PCDH8: variants seen among roughly 807,000 people sequenced by gnomAD.
PCDH8 encodes the protein protocadherin-8.
PCDH8 carries 36 observed loss-of-function variants against 58.2 expected under a neutral mutation model. The ratio of observed to expected loss-of-function variants is 0.62; its 90% confidence interval spans 0.47 to 0.82. The LOEUF is 0.82. Ranked by LOEUF, PCDH8 falls within the 40% of genes least tolerant of loss-of-function variation. PCDH8 has a pLI of 0.00. For missense variants in PCDH8, 1,493 were observed against 1,567.8 expected (o/e 0.95, Z 0.81); for synonymous variants, 775 against 728.9 (o/e 1.06, Z -1.02).
chr13:52,845,992 C>A lies in PCDH8; in HGVS notation c.2445G>T (p.Arg815Ser), dbSNP rs754447078. ...PEEAARGAGP[R>S]PNMFDVLTFP... ...AGGTGAGCACGTCGAACATGTTGGG[C>A]CTGGGCCCGGCTCCCCGGGCGGCCT... The change falls in exon 1 of 3, where the codon AGG (arginine) becomes AGT (serine). Residue 815 changes from arginine to serine, a missense_variant. Coordinates refer to ENST00000377942, the MANE Select transcript of PCDH8 (RefSeq NM_002590.4). 7 of 1,475,726 alleles carry A rather than the reference C, an allele frequency of 4.7e-6. No individual in the cohort carries two copies. In the African/African-American group the frequency reaches 1.0e-4, roughly 22 times the overall value. 91.4% of individuals were successfully genotyped at this position (1,475,726 alleles called of 1,614,324 possible). A position where few individuals can be genotyped will look rare whatever the true frequency, so the allele number is the denominator to read the frequency against.
In PCDH8 at chr13:52,844,603, C is replaced by T. The variant is rs1253187090; in HGVS notation, c.3170G>A (p.Gly1057Asp). The T allele has an allele frequency of 6.2e-7, 1 of 1,609,428 alleles. No homozygotes were observed. The stretch of plus-strand genomic sequence containing the variant: ...TCCCTTCTTCGGGGACAGGTACCTG[C>T]CAGGAGGGGACTGGTAGAGGGGTAC... ...IGVPLYQSPPGRYLSPKKGAN... is the reference protein window; with the variant it reads ...IGVPLYQSPPDRYLSPKKGAN... The change falls in exon 3 of 3, where the codon GGC (glycine) becomes GAC (aspartate). Residue 1057 changes from glycine (G) to aspartate (D), a missense_variant. Physicochemically the swap from Gly to Asp is moderately conservative, Grantham distance 94 (BLOSUM62 -1). Transcript: ENST00000377942.
chr13:52,847,170 C>G lies in PCDH8; in HGVS notation c.1267G>C (p.Ala423Pro), dbSNP rs1306552592. 3 of 1,491,112 alleles carry G rather than the reference C, an allele frequency of 2.0e-6. No individual in the cohort carries two copies. The Admixed American group carries it at 6.6e-5, about 33-fold the overall frequency. The allele number at this position is 1,491,112 out of a possible 1,614,324, so 92.4% of individuals were successfully genotyped here. Residue 423 changes from alanine (A) to proline (P), a missense_variant, in exon 1 of 3, where the codon GCC becomes CCC. This residue lies in a region of PCDH8 where 1,307 missense variants were observed against 1,362.7 expected (regional missense o/e 0.96). Transcript: ENST00000377942. ...AGGGCGCAGCGCACTTGCCCGTTGGCGCCCGAGTCCCTGTCCGAGGTGCTG... is the reference window on the plus strand; with the variant it reads ...AGGGCGCAGCGCACTTGCCCGTTGGGGCCCGAGTCCCTGTCCGAGGTGCTG... ...LVSTSDRDSG[A>P]NGQVRCALYG...
In PCDH8 at chr13:52,847,373, G is replaced by C. The variant is rs547262200; in HGVS notation, c.1064C>G (p.Ala355Gly). The change falls in exon 1 of 3, where the codon GCC becomes GGC. Residue 355 changes from alanine to glycine, a missense_variant. By Grantham distance (60) the Ala-to-Gly change is moderately conservative (BLOSUM62 0). Around this residue, in one of 3 missense-constraint regions of PCDH8, gnomAD observed 1,307 missense variants for 1,362.7 expected, o/e 0.96. Transcript: ENST00000377942. Reference protein sequence around the residue: ...RDVNDNAPDIAITPLAAPGAP... With the variant: ...RDVNDNAPDIGITPLAAPGAP... ...GCCTGGGGCGGCCAGCGGGGTGATG[G>C]CGATGTCGGGTGCGTTGTCATTGAC... is the stretch of plus-strand genomic sequence containing the variant. 32 of 1,519,754 alleles carry C rather than the reference G, an allele frequency of 2.1e-5. No individual in the cohort carries two copies. In the East Asian group the frequency reaches 7.3e-4, roughly 35 times the overall value. The allele number at this position is 1,519,754 out of a possible 1,614,324, so 94.1% of individuals were successfully genotyped here.
rs1373436783 is a variant in PCDH8 at position 52,846,555 on chromosome 13, C to T, written c.1882G>A (p.Ala628Thr). ...SLEVAVPGRT[A>T]KDTVVARVQA... ...ACACGGGCCACAACCGTGTCCTTTG[C>T]GGTGCGCCCAGGCACCGCCACTTCT... Residue 628 changes from alanine to threonine, a missense_variant, in exon 1 of 3, where the codon GCA becomes ACA. Around this residue, in one of 3 missense-constraint regions of PCDH8, gnomAD observed 1,307 missense variants for 1,362.7 expected, o/e 0.96. Transcript: ENST00000377942. 1 of 1,601,780 alleles carries T rather than the reference C, an allele frequency of 6.2e-7. No individual in the cohort carries two copies. The highest frequency in any genetic ancestry group is 1.1e-5 in the South Asian group (1 of 90,552).
In PCDH8 at chr13:52,845,740, A is replaced by G. The variant is rs527591959; in HGVS notation, c.2631+66T>C. On this transcript the variant is annotated intron_variant, in intron 1 of 2. Coordinates refer to ENST00000377942, the MANE Select transcript of PCDH8 (RefSeq NM_002590.4). Reference sequence around the variant, plus strand: ...CTGAATGCACCCACCCTACCCCTCCAGTCTCCCTTCCCCCAGCCTGTCCGC... The same window carrying G: ...CTGAATGCACCCACCCTACCCCTCCGGTCTCCCTTCCCCCAGCCTGTCCGC... 5,290 of 1,513,700 alleles carry G rather than the reference A, an allele frequency of 3.5e-3. 22 individuals are homozygous for G. Among genetic ancestry groups the G allele is most frequent in the South Asian group, 7.9e-3 (640 of 80,982 alleles). The allele number at this position is 1,513,700 out of a possible 1,614,324, so 93.8% of individuals were successfully genotyped here.
Position 52,845,897 on chromosome 13 carries a change from G to T in PCDH8, c.2540C>A (p.Ala847Asp). ...GCCGCCCTCTGAGCCCGGCACTTCGGCCGCGGCGACCGCAGGCGGAGGCGC... is the reference window on the plus strand; with the variant it reads ...GCCGCCCTCTGAGCCCGGCACTTCGTCCGCGGCGACCGCAGGCGGAGGCGC... ...ADAPPPAVAA[A>D]EVPGSEGGSA... is the part of the protein sequence containing the mutation. The change falls in exon 1 of 3, where the codon GCC (alanine) becomes GAC (aspartate). Residue 847 changes from alanine to aspartate, a missense_variant. By Grantham distance (126) the Ala-to-Asp change is moderately radical (BLOSUM62 -2). Coordinates refer to ENST00000377942, the MANE Select transcript of PCDH8 (RefSeq NM_002590.4). 1 of 1,481,100 alleles carries T rather than the reference G, an allele frequency of 6.8e-7. No homozygotes were observed. Among genetic ancestry groups the T allele is most frequent in the Non-Finnish European group, 8.9e-7 (1 of 1,127,534 alleles). 91.7% of individuals were successfully genotyped at this position (1,481,100 alleles called of 1,614,324 possible).
Position 52,847,336 on chromosome 13 carries a change from G to A in PCDH8, c.1101C>T (p.Thr367=). ...TPLAAPGAPA[T]SPFAAAAAAA... ...CGGCGGCGGCAGCGGCGAAGGGTGA[G>A]GTTGCCGGCGCGCCTGGGGCGGCCA... Residue 367 remains threonine (T), a synonymous_variant, in exon 1 of 3, where the codon ACC becomes ACT. Transcript: ENST00000377942. The A allele has an allele frequency of 1.4e-6, 2 of 1,454,310 alleles. No individual in the cohort carries two copies. Among genetic ancestry groups the A allele is most frequent in the South Asian group, 2.9e-5 (2 of 69,974 alleles). 90.1% of individuals were successfully genotyped at this position (1,454,310 alleles called of 1,614,324 possible). A position where few individuals can be genotyped will look rare whatever the true frequency, so the allele number is the denominator to read the frequency against.
At position 52,847,434 on chromosome 13, in the gene PCDH8, C is replaced by A. The variant is rs2138356461; in HGVS notation, c.1003G>T (p.Ala335Ser). ...CGCACGATGACCTTGCAGGTGGCAG[C>A]GCGGGGCCCGGGTCCGCGGTCCTGC... Reference protein sequence around the residue: ...RAQDRGPGPRAATCKVIVRIR... With the variant: ...RAQDRGPGPRSATCKVIVRIR... The change falls in exon 1 of 3, where the codon GCT becomes TCT. Residue 335 changes from alanine to serine, a missense_variant. Physicochemically the swap from Ala to Ser is moderately conservative, Grantham distance 99. This residue lies in a region of PCDH8 where 1,307 missense variants were observed against 1,362.7 expected (regional missense o/e 0.96). Coordinates refer to ENST00000377942, the MANE Select transcript of PCDH8 (RefSeq NM_002590.4). 1 of 1,586,268 alleles carries A rather than the reference C, an allele frequency of 6.3e-7. No individual in the cohort carries two copies. Among genetic ancestry groups the A allele is most frequent in the African/African-American group, 1.4e-5 (1 of 71,940 alleles).
rs576663048 is a variant in PCDH8, at chr13:52,847,081, C to T, written c.1356G>A (p.Ala452=). ...AYAGSYLVVT[A]ASLDRERIAE... is the part of the protein sequence containing the mutation. ...CGATGCGTTCGCGGTCCAGCGACGC[C>T]GCGGTCACCACCAGGTAGCTGCCCG... Residue 452 remains alanine (A), a synonymous_variant, in exon 1 of 3, where the codon GCG becomes GCA. Coordinates refer to ENST00000377942, the MANE Select transcript of PCDH8 (RefSeq NM_002590.4). The T allele has an allele frequency of 6.0e-5, 93 of 1,557,096 alleles. 1 individual carries two copies. In the South Asian group the frequency reaches 1.1e-3, roughly 18 times the overall value.
Position 52,847,640 on chromosome 13 carries a change from A to T in PCDH8, c.797T>A (p.Leu266His), listed in dbSNP as rs1965763776. The T allele has an allele frequency of 1.3e-6, 2 of 1,575,058 alleles. No individual in the cohort carries two copies. The highest frequency in any genetic ancestry group is 1.7e-6 in the Non-Finnish European group (2 of 1,169,592). Residue 266 changes from leucine (L) to histidine (H), a missense_variant, in exon 1 of 3, where the codon CTC becomes CAC. By Grantham distance (99) the Leu-to-His change is moderately conservative. Coordinates refer to ENST00000377942, the MANE Select transcript of PCDH8 (RefSeq NM_002590.4). ...GTCGGGGTCGGCTGCGTCCAGGTCG[A>T]GAAGCAGGGAGCCCACGGGCGCGTC... ...AEDAPVGSLL[L>H]DLDAADPDEG...
rs1271188976 is a variant in PCDH8, at chr13:52,846,704, C to A, written c.1733G>T (p.Arg578Leu). The A allele has an allele frequency of 6.3e-7, 1 of 1,598,006 alleles. No individual in the cohort carries two copies. Among genetic ancestry groups the A allele is most frequent in the Non-Finnish European group, 8.5e-7 (1 of 1,176,726 alleles). Residue 578 changes from arginine (R) to leucine (L), a missense_variant, in exon 1 of 3, where the codon CGC (arginine) becomes CTC (leucine). Transcript: ENST00000377942. The stretch of plus-strand genomic sequence containing the variant: ...GGAGCCGCCGTCGCTAGCTTGGATG[C>A]GAACGTCGAGTTGGCGCAGCGTCTC... ...DYETLRQLDVRIQASDGGSPQ... is the reference protein window; with the variant it reads ...DYETLRQLDVLIQASDGGSPQ...
chr13:52,846,222 C>A lies in PCDH8; in HGVS notation c.2215G>T (p.Val739Leu). ...TCCCATTGCAGCACCGACCCGGACA[C>A]CCCGAGCCGAGAGCCAGGCGGGCGG... ...RSRPPGSRLGVSGSVLQWDTP... is the reference protein window; with the variant it reads ...RSRPPGSRLGLSGSVLQWDTP... The change falls in exon 1 of 3, where the codon GTG (valine) becomes TTG (leucine). Residue 739 changes from valine to leucine, a missense_variant. Around this residue, in one of 3 missense-constraint regions of PCDH8, gnomAD observed 1,307 missense variants for 1,362.7 expected, o/e 0.96. Transcript: ENST00000377942. 2.5e-6 allele frequency: 4 copies of A among 1,585,960 alleles called. No homozygotes were observed. Among genetic ancestry groups the A allele is most frequent in the Non-Finnish European group, 3.4e-6 (4 of 1,173,332 alleles).
chr13:52,848,383 G>C lies in PCDH8; in HGVS notation c.54C>G (p.Phe18Leu). 1 of 1,611,806 alleles carries C rather than the reference G, an allele frequency of 6.2e-7. No homozygotes were observed. Among genetic ancestry groups the C allele is most frequent in the Non-Finnish European group, 8.5e-7 (1 of 1,179,972 alleles). Residue 18 changes from phenylalanine (F) to leucine (L), a missense_variant, in exon 1 of 3, where the codon TTC becomes TTG. Physicochemically the swap from Phe to Leu is conservative, Grantham distance 22 (BLOSUM62 0). Coordinates refer to ENST00000377942, the MANE Select transcript of PCDH8 (RefSeq NM_002590.4). ...GSPCLFPLQL[F>L]SLCWVLSVAQ... ...CCACTGAGAGCACCCAGCAGAGGCT[G>C]AAGAGCTGCAAGGGGAAAAGGCAGG...
In PCDH8 at chr13:52,847,147, G is replaced by C; in HGVS notation, c.1290C>G (p.Ala430=). The change falls in exon 1 of 3, where the codon GCC becomes GCG. Residue 430 remains alanine, a synonymous_variant. Transcript: ENST00000377942. ...DSGANGQVRC[A]LYGHEHFRLQ... Reference sequence around the variant, plus strand: ...GCCGGAAGTGCTCGTGCCCATAGAGGGCGCAGCGCACTTGCCCGTTGGCGC... The same window carrying C: ...GCCGGAAGTGCTCGTGCCCATAGAGCGCGCAGCGCACTTGCCCGTTGGCGC... The C allele has an allele frequency of 6.6e-7, 1 of 1,526,576 alleles. No homozygotes were observed. Among genetic ancestry groups the C allele is most frequent in the South Asian group, 1.2e-5 (1 of 81,212 alleles). 94.6% of individuals were successfully genotyped at this position (1,526,576 alleles called of 1,614,324 possible). A position where few individuals can be genotyped will look rare whatever the true frequency, so the allele number is the denominator to read the frequency against.
In PCDH8 at chr13:52,844,847, G is replaced by C. The variant is rs1364908678; in HGVS notation, c.2926C>G (p.Pro976Ala). The change falls in exon 3 of 3, where the codon CCA (proline) becomes GCA (alanine). Residue 976 changes from proline (P) to alanine (A), a missense_variant. Transcript: ENST00000377942. ...ATCTGGGCTGGTGGGTGAGGCGATGGATGTGCGTTGGGCCCGCTGCAGGAT... is the reference window on the plus strand; with the variant it reads ...ATCTGGGCTGGTGGGTGAGGCGATGCATGTGCGTTGGGCCCGCTGCAGGAT... ...SPSCSGPNAH[P>A]SPHPPAQMST... 7.5e-6 allele frequency: 12 copies of C among 1,607,664 alleles called. No homozygotes were observed. The highest frequency in any genetic ancestry group is 9.3e-6 in the Non-Finnish European group (11 of 1,176,640).
rs369468266 is a variant in PCDH8, at chr13:52,847,924, G to C, written c.513C>G (p.Thr171=). ...DEDVGANGLQ[T]VRLAEPHSPF... ...GGCTGTGCGGCTCGGCCAGGCGCAC[G>C]GTCTGCAGCCCGTTGGCGCCCACGT... Residue 171 remains threonine (T), a synonymous_variant, in exon 1 of 3, where the codon ACC becomes ACG. Coordinates refer to ENST00000377942, the MANE Select transcript of PCDH8 (RefSeq NM_002590.4). 219 of 1,600,284 alleles carry C rather than the reference G, an allele frequency of 1.4e-4. No individual in the cohort carries two copies. Among genetic ancestry groups the C allele is most frequent in the Non-Finnish European group, 1.5e-4 (182 of 1,175,816 alleles).
rs1007976684 is a variant in PCDH8 at position 52,843,308 on chromosome 13, T to C, written c.*1252A>G. On this transcript the variant is annotated 3_prime_UTR_variant, in exon 3 of 3. Coordinates refer to ENST00000377942, the MANE Select transcript of PCDH8 (RefSeq NM_002590.4). ...ACCTCACATGCACCTATGCTAGCAT[T>C]GACAATTATCAATATCTTATCAAAT... The C allele has an allele frequency of 3.9e-5, 6 of 152,210 alleles. No individual in the cohort carries two copies. Among genetic ancestry groups the C allele is most frequent in the African/African-American group, 1.2e-4 (5 of 41,462 alleles). The allele number at this position is 152,210 out of a possible 1,614,324, so 9.4% of individuals were successfully genotyped here. A position where few individuals can be genotyped will look rare whatever the true frequency, so the allele number is the denominator to read the frequency against.
rs745871248 is a variant in PCDH8, at chr13:52,846,026, G to A, written c.2411C>T (p.Ser804Phe). 6.7e-7 allele frequency: 1 copy of A among 1,484,102 alleles called. No individual in the cohort carries two copies. The highest frequency in any genetic ancestry group is 8.8e-7 in the Non-Finnish European group (1 of 1,135,040). The allele number at this position is 1,484,102 out of a possible 1,614,324, so 91.9% of individuals were successfully genotyped here. Residue 804 changes from serine to phenylalanine, a missense_variant, in exon 1 of 3, where the codon TCC becomes TTC. By Grantham distance (155) the Ser-to-Phe change is radical. Transcript: ENST00000377942. ...AAGGGASAPG[S>F]PEEAARGAGP... is the part of the protein sequence containing the mutation. ...GGCTCCCCGGGCGGCCTCCTCCGGG[G>A]AGCCGGGAGCCGAGGCTCCGCCGCC...
In PCDH8 at chr13:52,847,562, T is replaced by G. The variant is rs1965762494; in HGVS notation, c.875A>C (p.Glu292Ala). The G allele has an allele frequency of 6.4e-7, 1 of 1,562,874 alleles. No homozygotes were observed. The highest frequency in any genetic ancestry group is 8.6e-7 in the Non-Finnish European group (1 of 1,162,610). ...VFAFGARTPP[E>A]ARRLFRLDPR... ...GTCAAGCCGAAAGAGGCGGCGCGCCTCCGGCGGGGTGCGGGCGCCAAATGC... is the reference window on the plus strand; with the variant it reads ...GTCAAGCCGAAAGAGGCGGCGCGCCGCCGGCGGGGTGCGGGCGCCAAATGC... Residue 292 changes from glutamate to alanine, a missense_variant, in exon 1 of 3, where the codon GAG (glutamate) becomes GCG (alanine). Physicochemically the swap from Glu to Ala is moderately radical, Grantham distance 107. Transcript: ENST00000377942.
Sources: gnomAD v4.1 joint callset for allele counts on GRCh38, gnomAD v4.1.1 for gene constraint, gnomAD v4.1.1 regional missense constraint, MANE v1.5 for transcripts, NCBI Gene and HGNC (gene_info 2026-07-23, HGNC 2026-07-21) for gene names.